DOCK8: variants seen among roughly 807,000 people sequenced by gnomAD.
DOCK8 encodes the protein dedicator of cytokinesis protein 8.
A neutral mutation model predicts 245.6 loss-of-function variants in DOCK8; 141 were observed. The ratio of observed to expected loss-of-function variants is 0.57; its 90% CI spans 0.50 to 0.66. The LOEUF is 0.66. DOCK8 is among the 30% of genes least tolerant of loss of function. DOCK8 has a pLI of 0.00. For missense variants in DOCK8, 2,965 were observed against 2,603.4 expected (o/e 1.14, Z -3.02); for synonymous variants, 1,168 against 970.2 (o/e 1.20, Z -3.79).
intron 14 of DOCK8, among the ~76,000 whole-genome samples, chr9:363,255 A>G (rs1332071352): frequency 6.6e-6 from 1 of 152,200 alleles, no homozygotes; most frequent in Non-Finnish European, 1.5e-5. Flanking sequence ...CATACACTGG[A>G]CCTTCAGTTA....
At chr9:365,933 G>A (rs752301318) in intron 14 of DOCK8, 3 of 270,690 alleles carry the variant, frequency 1.1e-5, no homozygotes, top group Non-Finnish European at 2.2e-5. Flanking sequence ...AGCATCAGTG[G>A]CTCAGTCTTA....
intron 33 of DOCK8, among the ~76,000 whole-genome samples, chr9:425,036 C>G (rs2056427968): frequency 1.3e-5 from 2 of 152,104 alleles, no homozygotes; most frequent in South Asian, 4.1e-4. Flanking sequence ...AAATATTTCA[C>G]TAGTAATTTT....
At chr9:216,977 G>C (rs1217726167) in intron 1 of DOCK8, among the ~76,000 whole-genome samples, 2 of 152,116 alleles carry the variant, frequency 1.3e-5, no homozygotes, top group East Asian at 3.9e-4. Context: ...ACTTCTCTAA[G>C]CTTTGGTTTC....
chr9:283,585 C>G (rs973382177), intron 2 of DOCK8, among the ~76,000 whole-genome samples: 1 of 152,254 alleles, frequency 6.6e-6, no homozygotes, highest in Non-Finnish European at 1.5e-5. Context: ...TCATGTCTAG[C>G]ATTCTGTGTC....
intron 26 of DOCK8, among the ~76,000 whole-genome samples, chr9:400,976 A>ACCC (rs1198131607): frequency 1.4e-5 from 2 of 137,998 alleles, no homozygotes; most frequent in Non-Finnish European, 3.2e-5. Context: ...CTCCTCCACC[A>ACCC]TCACCACCTC....
intron 33 of DOCK8, among the ~76,000 whole-genome samples, chr9:426,639 T>C (rs2056511949): frequency 6.6e-6 from 1 of 152,088 alleles, no homozygotes; most frequent in Non-Finnish European, 1.5e-5. Flanking sequence ...TTTTTATAAT[T>C]GTCCTCATCA....
intron 4 of DOCK8, among the ~76,000 whole-genome samples, chr9:291,742 G>A (rs898379813): frequency 6.6e-6 from 1 of 151,452 alleles, no homozygotes; most frequent in African/African-American, 2.4e-5. Context: ...CAAAGGATAT[G>A]CACAAATTTA....
intron 1 of DOCK8, among the ~76,000 whole-genome samples, chr9:254,207 C>T (rs2047716590): frequency 1.3e-5 from 2 of 152,288 alleles, no homozygotes; most frequent in East Asian, 1.9e-4. Flanking sequence ...AGAATCGGGA[C>T]AGCAAGATCT....
At chr9:337,439 CT>C (rs2051364774) in intron 12 of DOCK8, among the ~76,000 whole-genome samples, 1 of 152,198 alleles carries the variant, frequency 6.6e-6, no homozygotes, top group Non-Finnish European at 1.5e-5. Context: ...CCTATTTGAA[CT>C]ATCTTGGCCA....
At chr9:384,239 A>G (rs1264764804) in intron 22 of DOCK8, among the ~76,000 whole-genome samples, 1 of 152,166 alleles carries the variant, frequency 6.6e-6, no homozygotes, top group African/African-American at 2.4e-5. Context: ...ACCCTTTTTT[A>G]AAAGATGGAG....
At chr9:273,261 G>A (rs1000883656) in intron 2 of DOCK8, among the ~76,000 whole-genome samples, 1 of 152,112 alleles carries the variant, frequency 6.6e-6, no homozygotes, top group Non-Finnish European at 1.5e-5. Flanking sequence ...TCAGTGGCTT[G>A]CTAGACTGGC....
At chr9:375,939 G>C (rs2131253838) in intron 18 of DOCK8, among the ~76,000 whole-genome samples, 1 of 152,350 alleles carries the variant, frequency 6.6e-6, no homozygotes, top group Non-Finnish European at 1.5e-5. Context: ...CGAGGCTGCA[G>C]TGAACCGTGA....
chr9:276,514 TAGTATGAA>T (rs151002131), intron 2 of DOCK8, among the ~76,000 whole-genome samples: 2,137 of 152,312 alleles, frequency 0.014, 42 homozygotes, highest in African/African-American at 0.048. Context: ...TTGCATTTTT[TAGTATGAA>T]GGGGATCCAT....
At chr9:276,973 A>AT in intron 2 of DOCK8, 1 of 339,368 alleles carries the variant, frequency 2.9e-6, no homozygotes. Context: ...CGCCTGGCTA[A>AT]TTTTTGTATT....
chr9:414,589 C>T (rs2055899249), intron 28 of DOCK8, among the ~76,000 whole-genome samples, 193 bp from the exon 29 acceptor site: 1 of 152,088 alleles, frequency 6.6e-6, no homozygotes, highest in South Asian at 2.1e-4. Context: ...TAGTTCTATC[C>T]TGTATTGCTT....
rs749045514 is a variant in DOCK8, at chr9:355,192, CTTTTTTTT to C, written c.1680-12803_1680-12796del. 9.9e-4 allele frequency among the ~76,000 whole-genome samples: 120 copies of C among 121,088 alleles called. 8 individuals carry two copies. Among genetic ancestry groups the C allele is most frequent in the African/African-American group, 2.9e-3 (89 of 30,500 alleles). 79.4% of individuals were successfully genotyped at this position (121,088 alleles called of 152,430 possible). A position where few individuals can be genotyped will look rare whatever the true frequency, so the allele number is the denominator to read the frequency against. ...AGACTGGTGTATTTCTGTTTCTTTT[CTTTTTTTT>C]TTTTTTTTTTTTTTTTTTTTTTGAG... is the stretch of plus-strand genomic sequence containing the variant. On this transcript the variant is annotated intron_variant, in intron 14 of 47. Coordinates refer to ENST00000432829, the MANE Select transcript of DOCK8 (RefSeq NM_203447.4).
chr9:383,573 C>G (rs10733486), intron 22 of DOCK8, among the ~76,000 whole-genome samples: 140,332 of 152,046 alleles, frequency 0.92, 64,755 homozygotes, highest in South Asian at 0.97. Context: ...GGTGGCGGGT[C>G]CCTGTAATTC....
intron 42 of DOCK8, among the ~76,000 whole-genome samples, 192 bp from the exon 43 acceptor site, chr9:443,235 C>T (rs756387353): frequency 1.3e-5 from 2 of 152,238 alleles, no homozygotes; most frequent in East Asian, 3.9e-4. Context: ...GAAGCATATA[C>T]CAGTTGACAG....
intron 7 of DOCK8, among the ~76,000 whole-genome samples, chr9:324,519 T>A (rs1351083470): frequency 6.6e-6 from 1 of 152,074 alleles, no homozygotes; most frequent in Non-Finnish European, 1.5e-5. Flanking sequence ...TGCACCAGGA[T>A]TATGCTTTGG....
Sources: allele counts gnomAD v4.1 joint callset (sites outside exome capture counted in the v4.1 genomes callset), GRCh38; gene constraint gnomAD v4.1.1; transcripts MANE v1.5; gene names NCBI Gene and HGNC (gene_info 2026-07-23, HGNC 2026-07-21).